SVIL: variants seen among roughly 807,000 people sequenced by gnomAD.
The protein encoded by SVIL is supervillin, also known as archvillin.
Under a neutral mutation model 240.4 loss-of-function variants are expected in SVIL, and 101 were observed. The ratio of observed to expected loss-of-function variants is 0.42; its 90% CI spans 0.36 to 0.50. The LOEUF (loss-of-function observed/expected upper bound fraction) is 0.50, where lower values mean the gene tolerates loss of function less well. Ranked by LOEUF, SVIL falls within the 20% of genes least tolerant of loss-of-function variation. The pLI is 0.01. For missense variants in SVIL, 2,512 were observed against 2,818.7 expected, an observed-to-expected ratio of 0.89 and a Z score of 2.46; for synonymous variants, 999 against 1,100.0, an observed-to-expected ratio of 0.91 and a Z score of 1.82.
chr10:29,619,473 T>C (rs191195265), intron 1 of SVIL, among the ~76,000 whole-genome samples: 147 of 152,292 alleles, frequency 9.7e-4, no homozygotes, highest in African/African-American at 3.3e-3. Context: ...CAAAAGAGCT[T>C]TGACCACAGA....
chr10:29,458,615 G>A (rs1943847757), intron 36 of SVIL, 26 bp from the exon 37 acceptor site: 1 of 1,606,204 alleles, frequency 6.2e-7, no homozygotes, highest in East Asian at 2.2e-5. Context: ...GGGCAGAGAG[G>A]AGAGCTCGTG....
chr10:29,605,728 T>C (rs1230520167), intron 1 of SVIL, among the ~76,000 whole-genome samples: 2 of 147,056 alleles, frequency 1.4e-5, no homozygotes, highest in Non-Finnish European at 3.0e-5. Flanking sequence ...TATATATATA[T>C]ATTATTTACA....
chr10:29,494,156 A>G (rs1277224235), intron 20 of SVIL, among the ~76,000 whole-genome samples: 7 of 151,968 alleles, frequency 4.6e-5, no homozygotes, highest in Admixed American at 3.3e-4. Flanking sequence ...TGACAGAGCA[A>G]GACCCTGTCT....
intron 18 of SVIL, chr10:29,496,544 AC>A: frequency 2.7e-6 from 1 of 375,544 alleles, no homozygotes; most frequent in South Asian, 2.0e-5. Flanking sequence ...TGCCGGGCAA[AC>A]CCCGCTGCCA....
chr10:29,671,572 G>A (rs934419904), intron 2 of SVIL, among the ~76,000 whole-genome samples: 2 of 152,150 alleles, frequency 1.3e-5, no homozygotes, highest in Admixed American at 1.3e-4. Flanking sequence ...CTGAAGCTGG[G>A]ACTTCCGATC....
chr10:29,562,777 A>G (rs1302595704), intron 3 of SVIL, among the ~76,000 whole-genome samples: 15 of 148,606 alleles, frequency 1.0e-4, no homozygotes, highest in African/African-American at 3.5e-4. Flanking sequence ...AAGAAAAAAA[A>G]AAAAAAAAAA....
At chr10:29,548,931 A>G (rs1266048003) in intron 6 of SVIL, among the ~76,000 whole-genome samples, 1 of 152,232 alleles carries the variant, frequency 6.6e-6, no homozygotes, top group Non-Finnish European at 1.5e-5. Flanking sequence ...TTTGTTTTTA[A>G]AACGAACATA....
chr10:29,602,065 A>G (rs1956830975), intron 1 of SVIL, among the ~76,000 whole-genome samples: 1 of 151,944 alleles, frequency 6.6e-6, no homozygotes, highest in Admixed American at 6.6e-5. Context: ...TTTGGCAGTG[A>G]TCTTTCAAAA....
At chr10:29,491,827 T>C (rs1384662351) in intron 21 of SVIL, among the ~76,000 whole-genome samples, 1 of 152,220 alleles carries the variant, frequency 6.6e-6, no homozygotes, top group African/African-American at 2.4e-5. Context: ...ACAGTGACAT[T>C]GTGTGGGCGG....
Position 29,488,863 on chromosome 10 carries a change from T to C in SVIL, c.4193-107A>G, listed in dbSNP as rs1424998441. ...GACTCAACACCTTTGTCTTTTCAAG[T>C]TAATCCCGAGAGGGAAAACATACTC... is the stretch of plus-strand genomic sequence containing the variant. On this transcript the variant is annotated intron_variant, in intron 22 of 37. Coordinates refer to ENST00000355867, the MANE Select transcript of SVIL (RefSeq NM_021738.3). 7.8e-6 allele frequency: 10 copies of C among 1,276,290 alleles called. No homozygotes were observed. In the African/African-American group the frequency reaches 1.4e-4, roughly 17 times the overall value. The allele number at this position is 1,276,290 out of a possible 1,614,324, so 79.1% of individuals were successfully genotyped here.
chr10:29,672,498 A>T (rs563039795), intron 2 of SVIL, among the ~76,000 whole-genome samples: 2 of 152,224 alleles, frequency 1.3e-5, no homozygotes, highest in Admixed American at 1.3e-4. Flanking sequence ...AGAAAAAAAT[A>T]GAAATGCCAC....
intron 29 of SVIL, among the ~76,000 whole-genome samples, chr10:29,477,525 G>C (rs1449175876): frequency 6.6e-6 from 1 of 152,192 alleles, no homozygotes; most frequent in Non-Finnish European, 1.5e-5. Context: ...TGCTGCTTTT[G>C]CTGACCCTCT....
At chr10:29,496,066 C>G (rs915086289) in intron 18 of SVIL, among the ~76,000 whole-genome samples, 11 of 152,120 alleles carry the variant, frequency 7.2e-5, no homozygotes, top group Admixed American at 3.9e-4. Context: ...CCTGGACGAA[C>G]AACATCGAGA....
chr10:29,649,852 T>A (rs1442870439), intron 3 of SVIL, among the ~76,000 whole-genome samples: 2 of 152,116 alleles, frequency 1.3e-5, no homozygotes, highest in Non-Finnish European at 2.9e-5. Flanking sequence ...CCTTGAGAGG[T>A]GATTAAGTCA....
intron 21 of SVIL, among the ~76,000 whole-genome samples, chr10:29,491,674 G>T (rs1004818163): frequency 3.9e-5 from 6 of 152,134 alleles, no homozygotes; most frequent in Non-Finnish European, 8.8e-5. Context: ...TGAGCAGACC[G>T]AGAGAAGCGA....
At chr10:29,507,208 C>T (rs1269036226) in intron 17 of SVIL, among the ~76,000 whole-genome samples, 2 of 152,042 alleles carry the variant, frequency 1.3e-5, no homozygotes, top group African/African-American at 4.8e-5. Context: ...TCCTCCCTGT[C>T]CCTCCACACC....
chr10:29,499,544 C>T (rs984488883), intron 17 of SVIL, among the ~76,000 whole-genome samples: 2 of 152,136 alleles, frequency 1.3e-5, no homozygotes, highest in Non-Finnish European at 2.9e-5. Flanking sequence ...TTTGTAAGCA[C>T]AAACAATTAA....
chr10:29,701,771 C>G (rs547417631), intron 1 of SVIL, among the ~76,000 whole-genome samples: 264 of 152,230 alleles, frequency 1.7e-3, no homozygotes, highest in African/African-American at 5.4e-3. Flanking sequence ...AATTATAAGG[C>G]CCCAAGCTAT....
chr10:29,727,956 G>A (rs1248787715), intron 1 of SVIL, among the ~76,000 whole-genome samples: 3 of 152,080 alleles, frequency 2.0e-5, no homozygotes, highest in African/African-American at 4.8e-5. Flanking sequence ...AAACCTTTAT[G>A]TTCACAGCTT....
Sources: allele counts gnomAD v4.1 joint callset (sites outside exome capture counted in the v4.1 genomes callset), GRCh38; gene constraint gnomAD v4.1.1; transcripts MANE v1.5; gene names NCBI Gene and HGNC (gene_info 2026-07-23, HGNC 2026-07-21).